Variants in SLC9A9 observed in about 807,000 individuals in gnomAD.
SLC9A9 encodes the protein sodium/hydrogen exchanger 9.
A neutral mutation model predicts 77.8 loss-of-function variants in SLC9A9; 62 were observed. The ratio of observed to expected loss-of-function variants is 0.80; its 90% CI spans 0.65 to 0.98. The LOEUF (loss-of-function observed/expected upper bound fraction) is 0.98. SLC9A9 is among the 50% of genes least tolerant of loss of function. The probability of loss-of-function intolerance (pLI) is 0.00; values close to 1 mark genes in which losing one functional copy is unlikely to be tolerated. For missense variants in SLC9A9, 775 were observed against 774.9 expected, an observed-to-expected ratio of 1.00 and a Z score of 0.00; for synonymous variants, 320 against 283.5, an observed-to-expected ratio of 1.13 and a Z score of -1.29.
intron 6 of SLC9A9, among the ~76,000 whole-genome samples, chr3:143,583,649 C>A (rs554164140): frequency 6.6e-6 from 1 of 152,142 alleles, no homozygotes; most frequent in African/African-American, 2.4e-5. Flanking sequence ...ATAGTACCAA[C>A]CACACTGGGT....
At chr3:143,456,857 C>CT (rs1414276675) in intron 12 of SLC9A9, among the ~76,000 whole-genome samples, 1 of 152,164 alleles carries the variant, frequency 6.6e-6, no homozygotes, top group African/African-American at 2.4e-5. Context: ...GCCACTGTGC[C>CT]TGGCCAATTC....
At chr3:143,697,336 T>C (rs1372605327) in intron 4 of SLC9A9, among the ~76,000 whole-genome samples, 1 of 152,150 alleles carries the variant, frequency 6.6e-6, no homozygotes, top group Non-Finnish European at 1.5e-5. Context: ...AGTGGTTATA[T>C]AATAGAATTC....
chr3:143,618,086 G>A (rs1330583918), intron 6 of SLC9A9, among the ~76,000 whole-genome samples: 1 of 152,212 alleles, frequency 6.6e-6, no homozygotes, highest in Non-Finnish European at 1.5e-5. Context: ...ATATTTGCAT[G>A]ACAGCCAAGA....
chr3:143,783,971 G>C (rs981819814), intron 4 of SLC9A9, among the ~76,000 whole-genome samples: 3 of 152,146 alleles, frequency 2.0e-5, no homozygotes, highest in Non-Finnish European at 4.4e-5. Context: ...CTTTCCCAAA[G>C]CACCAGCACC....
intron 11 of SLC9A9, among the ~76,000 whole-genome samples, chr3:143,485,676 A>G (rs1265420137): frequency 6.6e-6 from 1 of 152,170 alleles, no homozygotes; most frequent in Admixed American, 6.5e-5. Context: ...ATTAGACTCA[A>G]ATGTCAAGTT....
chr3:143,373,914 G>A (rs2033115087), intron 13 of SLC9A9, among the ~76,000 whole-genome samples: 1 of 152,088 alleles, frequency 6.6e-6, no homozygotes, highest in Non-Finnish European at 1.5e-5. Context: ...AAAAGCAATA[G>A]TTGAATATTT....
chr3:143,835,109 C>T (rs538036924), intron 1 of SLC9A9, among the ~76,000 whole-genome samples: 3 of 152,296 alleles, frequency 2.0e-5, no homozygotes, highest in South Asian at 2.1e-4. Context: ...TAAAGATTTC[C>T]TACCCAGCTT....
intron 2 of SLC9A9, among the ~76,000 whole-genome samples, chr3:143,818,022 A>G (rs1323494932): frequency 2.0e-5 from 3 of 152,196 alleles, no homozygotes; most frequent in African/African-American, 7.2e-5. Flanking sequence ...CATCTGATTT[A>G]AGCTACACAG....
At chr3:143,326,267 G>A (rs1292927209) in intron 14 of SLC9A9, among the ~76,000 whole-genome samples, 2 of 152,044 alleles carry the variant, frequency 1.3e-5, no homozygotes. Context: ...TTGCTTTCCT[G>A]CAATTCTCCA....
chr3:143,744,763 A>AT (rs1244888845), intron 4 of SLC9A9, among the ~76,000 whole-genome samples: 1 of 152,184 alleles, frequency 6.6e-6, no homozygotes. Flanking sequence ...ATGAATAATG[A>AT]TTAAGTCTAA....
At chr3:143,391,624 A>G (rs1001293468) in intron 12 of SLC9A9, among the ~76,000 whole-genome samples, 1 of 152,256 alleles carries the variant, frequency 6.6e-6, no homozygotes, top group African/African-American at 2.4e-5. Context: ...GAGTTGAGAG[A>G]AGAAGGCTTC....
intron 12 of SLC9A9, among the ~76,000 whole-genome samples, chr3:143,394,360 T>A (rs2033646263): frequency 6.6e-6 from 1 of 152,198 alleles, no homozygotes; most frequent in Admixed American, 6.5e-5. Context: ...ACCATATGAT[T>A]ATCCCAATAG....
chr3:143,799,486 A>T (rs2008489035), intron 2 of SLC9A9, among the ~76,000 whole-genome samples: 1 of 152,196 alleles, frequency 6.6e-6, no homozygotes, highest in East Asian at 1.9e-4. Context: ...TTTCCAGCAC[A>T]CAAGAACTCC....
chr3:143,696,520 C>G (rs1238907862), intron 4 of SLC9A9, among the ~76,000 whole-genome samples: 3 of 152,188 alleles, frequency 2.0e-5, no homozygotes, highest in Non-Finnish European at 4.4e-5. Context: ...ACATTCTGGA[C>G]AGTCATGGCA....
intron 12 of SLC9A9, among the ~76,000 whole-genome samples, chr3:143,409,296 T>A (rs1273304427): frequency 6.6e-6 from 1 of 152,198 alleles, no homozygotes; most frequent in African/African-American, 2.4e-5. Context: ...GGCTTGAACA[T>A]GAGACAATCG....
intron 12 of SLC9A9, among the ~76,000 whole-genome samples, chr3:143,452,736 A>ATT (rs2035030102): frequency 6.6e-6 from 1 of 151,648 alleles, no homozygotes; most frequent in Non-Finnish European, 1.5e-5. Flanking sequence ...GAATGTCCTT[A>ATT]TTTCTAGGTG....
In SLC9A9 at chr3:143,815,145, G is replaced by C. The variant is rs79659558; in HGVS notation, c.378+16874C>G. 4.1e-3 allele frequency among the ~76,000 whole-genome samples: 617 copies of C among 152,256 alleles called. 7 individuals are homozygous for C. Among genetic ancestry groups the C allele is most frequent in the African/African-American group, 0.014 (587 of 41,554 alleles). ...GTTAAAAAAATTAAAGAAGTGATAA[G>C]AGCAGCAAAATTAATAAATTAATGC... On this transcript the variant is annotated intron_variant, in intron 2 of 15. Coordinates refer to ENST00000316549, the MANE Select transcript of SLC9A9 (RefSeq NM_173653.4).
rs1233595633 is a variant in SLC9A9, at chr3:143,449,889, TA to T, written c.1469+17147del. 7.4e-3 allele frequency among the ~76,000 whole-genome samples: 490 copies of T among 66,100 alleles called. 3 individuals carry two copies. The highest frequency in any genetic ancestry group is 0.041 in the East Asian group (89 of 2,194). The allele number at this position is 66,100 out of a possible 152,430, so 43.4% of individuals were successfully genotyped here. ...TAAAATATATAATTATATAAATATA[TA>T]ATTATATAACATATAATATAATATT... On this transcript the variant is annotated intron_variant, in intron 12 of 15. Coordinates refer to ENST00000316549, the MANE Select transcript of SLC9A9 (RefSeq NM_173653.4).
At chr3:143,656,978 C>T (rs910624671) in intron 5 of SLC9A9, among the ~76,000 whole-genome samples, 5 of 152,102 alleles carry the variant, frequency 3.3e-5, no homozygotes, top group African/African-American at 1.2e-4. Context: ...GTAACTTTTC[C>T]CACTTTCCTG....
Sources: allele counts gnomAD v4.1 joint callset (sites outside exome capture counted in the v4.1 genomes callset), GRCh38; gene constraint gnomAD v4.1.1; transcripts MANE v1.5; gene names NCBI Gene and HGNC (gene_info 2026-07-23, HGNC 2026-07-21).